Variants in CORO7 observed in about 807,000 individuals in gnomAD.
CORO7 encodes coronin 7.
Under a neutral mutation model 126.6 loss-of-function variants are expected in CORO7, and 107 were observed. The ratio of observed to expected loss-of-function variants is 0.85; its 90% CI spans 0.72 to 0.99. The LOEUF is 0.99. Among genes scored for constraint, CORO7 ranks in the 50% least tolerant of loss-of-function variants. The pLI, the probability that CORO7 is intolerant of heterozygous loss-of-function variation, is 0.00. For synonymous variants in CORO7, 603 were observed against 536.8 expected, an observed-to-expected ratio of 1.12 and a Z score of -1.70; for missense variants, 1,314 against 1,255.8, an observed-to-expected ratio of 1.05 and a Z score of -0.70.
Position 4,416,590 on chromosome 16 carries a change from C to G in CORO7, c.-72G>C. ...GGGTCTCAGGTGCACGCTGAGCAACCGCGACTCCCGCTGCCTCGGCCCCAC... is the reference window on the plus strand; with the variant it reads ...GGGTCTCAGGTGCACGCTGAGCAACGGCGACTCCCGCTGCCTCGGCCCCAC... On this transcript the variant is annotated 5_prime_UTR_variant, in exon 1 of 28. Coordinates refer to ENST00000251166, the MANE Select transcript of CORO7 (RefSeq NM_024535.5). The G allele has an allele frequency of 6.5e-7, 1 of 1,536,998 alleles. No individual in the cohort carries two copies. The highest frequency in any genetic ancestry group is 1.4e-5 in the African/African-American group (1 of 69,772).
chr16:4,407,681 T>C lies in CORO7; in HGVS notation c.307A>G (p.Lys103Glu). ...CCAGGCCCTGGCAGTCGCCAGAGTT[T>C]TACCTGCAAGAAAGACCAAGTCCGT... ...LATGSADRTV[K>E]LWRLPGPGQA... The change falls in exon 5 of 28, where the codon AAA becomes GAA. Residue 103 changes from lysine to glutamate, a missense_variant. Physicochemically the swap from Lys to Glu is moderately conservative, Grantham distance 56. Transcript: ENST00000251166. 3 of 1,586,280 alleles carry C rather than the reference T, an allele frequency of 1.9e-6. No individual in the cohort carries two copies. The South Asian group carries it at 3.4e-5, about 18-fold the overall frequency.
At chr16:4,369,408 C>T (rs1452793218) in intron 9 of CORO7, among the ~76,000 whole-genome samples, 2 of 152,232 alleles carry the variant, frequency 1.3e-5, no homozygotes, top group African/African-American at 4.8e-5. Flanking sequence ...ATTGCCGGCA[C>T]CTCTCCTGCT....
chr16:4,359,681 G>C (rs1217304048), intron 21 of CORO7, 60 bp from the exon 22 acceptor site: 1 of 1,533,208 alleles, frequency 6.5e-7, no homozygotes, highest in Non-Finnish European at 8.8e-7. Flanking sequence ...CTGGGGCAGG[G>C]AGAAGGCGCC....
chr16:4,386,568 G>A lies in CORO7; in HGVS notation c.785+1418C>T, dbSNP rs201284897. ...TCCTAGACGTGGAGTCTGAAGGCCC[G>A]GGAGCTCCGACTCCTCAAGGCGGGG... On this transcript the variant is annotated intron_variant, in intron 9 of 27. Transcript: ENST00000251166. Among the ~76,000 whole-genome samples the A allele has an allele frequency of 6.6e-5, 10 of 152,316 alleles. No individual in the cohort carries two copies. The East Asian group carries it at 1.5e-3, about 23-fold the overall frequency.
At chr16:4,356,030 C>A (rs1295766987) in intron 26 of CORO7, among the ~76,000 whole-genome samples, 1 of 151,658 alleles carries the variant, frequency 6.6e-6, no homozygotes, top group African/African-American at 2.4e-5. Flanking sequence ...CTCGGCTCAC[C>A]ACAACCTCTG....
Position 4,407,481 on chromosome 16 carries a change from C to A in CORO7, c.487+20G>T. The stretch of plus-strand genomic sequence containing the variant: ...CAGAGTGGGGCTGCCCTGGGAAGGG[C>A]AGGCCAGGGTGGCCTGTACCTGTCA... On this transcript the variant is annotated intron_variant, in intron 5 of 27. Coordinates refer to ENST00000251166, the MANE Select transcript of CORO7 (RefSeq NM_024535.5). 6.4e-7 allele frequency: 1 copy of A among 1,557,936 alleles called. No individual in the cohort carries two copies. Among genetic ancestry groups the A allele is most frequent in the Non-Finnish European group, 8.7e-7 (1 of 1,150,808 alleles).
rs2053922501 is a variant in CORO7 at position 4,354,861 on chromosome 16, G to C, written c.*297C>G. 1.2e-5 allele frequency: 5 copies of C among 409,632 alleles called. No homozygotes were observed. In the South Asian group the frequency reaches 5.1e-4, roughly 42 times the overall value. 25.4% of individuals were successfully genotyped at this position (409,632 alleles called of 1,614,324 possible). A position where few individuals can be genotyped will look rare whatever the true frequency, so the allele number is the denominator to read the frequency against. ...CCAGGTCAGCAGTGAGACCAGGGGA[G>C]ACAGGGTGCCCAGGGCCTGCCCAGG... On this transcript the variant is annotated 3_prime_UTR_variant, in exon 28 of 28. Coordinates refer to ENST00000251166, the MANE Select transcript of CORO7 (RefSeq NM_024535.5).
At chr16:4,372,640 C>T (rs1164751637) in intron 9 of CORO7, among the ~76,000 whole-genome samples, 1 of 152,216 alleles carries the variant, frequency 6.6e-6, no homozygotes, top group Non-Finnish European at 1.5e-5. Flanking sequence ...AACCCAGTGG[C>T]CTGGAGCCAG....
chr16:4,399,482 T>A (rs1410791477), intron 6 of CORO7, among the ~76,000 whole-genome samples: 2 of 152,146 alleles, frequency 1.3e-5, no homozygotes, highest in Non-Finnish European at 2.9e-5. Flanking sequence ...TGCCAATTCC[T>A]AGGGGCCGGG....
At chr16:4,365,296 GCTGA>G (rs1021491878) in intron 10 of CORO7, among the ~76,000 whole-genome samples, 191 bp downstream of exon 10, 9 of 152,180 alleles carry the variant, frequency 5.9e-5, no homozygotes, top group South Asian at 2.1e-4. Context: ...TTTATGGAGT[GCTGA>G]CTGTGTGCTG....
At chr16:4,357,578 AC>A in intron 25 of CORO7, 2 of 301,564 alleles carry the variant, frequency 6.6e-6, no homozygotes, top group Non-Finnish European at 1.2e-5. Flanking sequence ...CTGGTCTCAA[AC>A]CCCCGACCTC....
At chr16:4,374,865 T>C (rs2054663238) in intron 9 of CORO7, among the ~76,000 whole-genome samples, 1 of 152,092 alleles carries the variant, frequency 6.6e-6, no homozygotes, top group African/African-American at 2.4e-5. Flanking sequence ...CCTTCCTTGG[T>C]GACTAAGGTG....
chr16:4,402,431 G>A (rs1177989861), intron 6 of CORO7, among the ~76,000 whole-genome samples: 1 of 151,722 alleles, frequency 6.6e-6, no homozygotes, highest in Non-Finnish European at 1.5e-5. Flanking sequence ...TTTTTTTGTA[G>A]ACATGGGGTT....
intron 5 of CORO7, 63 bp downstream of exon 5, chr16:4,407,438 A>G (rs756486832): frequency 1.7e-5 from 26 of 1,521,786 alleles, no homozygotes; most frequent in Non-Finnish European, 2.3e-5. Context: ...CATGCCAACA[A>G]AGAAACGGAG....
chr16:4,415,058 G>A (rs2056355601), intron 1 of CORO7, among the ~76,000 whole-genome samples: 1 of 151,926 alleles, frequency 6.6e-6, no homozygotes, highest in Non-Finnish European at 1.5e-5. Flanking sequence ...TTGTTCAGAG[G>A]GGTTTCGCAA....
chr16:4,374,561 G>A (rs971055901), intron 9 of CORO7, among the ~76,000 whole-genome samples: 1 of 152,178 alleles, frequency 6.6e-6, no homozygotes, highest in African/African-American at 2.4e-5. Flanking sequence ...GGAAGGGGCT[G>A]GGGCGGCCGC....
rs930705892 is a variant in CORO7 at position 4,361,615 on chromosome 16, C to T, written c.1579-146G>A. ...GGGTGACCCAAGCTCTCTGCCCTGA[C>T]CACCTTGCGCTCTGAGCCCCAAGTG... On this transcript the variant is annotated intron_variant, in intron 16 of 27. Transcript: ENST00000251166. 15 of 993,942 alleles carry T rather than the reference C, an allele frequency of 1.5e-5. No individual in the cohort carries two copies. In the Admixed American group the frequency reaches 1.9e-4, roughly 12 times the overall value. The allele number at this position is 993,942 out of a possible 1,614,324, so 61.6% of individuals were successfully genotyped here.
At chr16:4,386,909 C>T (rs2141261774) in intron 9 of CORO7, among the ~76,000 whole-genome samples, 1 of 152,320 alleles carries the variant, frequency 6.6e-6, no homozygotes, top group South Asian at 2.1e-4. Context: ...CCCGGAAGAT[C>T]CCGCAGCCTT....
chr16:4,377,371 G>A lies in CORO7; in HGVS notation c.785+10615C>T, dbSNP rs543910620. ...CCGGGTGGGAGGGTGGGTGGGCGGCGGCAACCACCGTGTGACCTGTAGACA... is the reference window on the plus strand; with the variant it reads ...CCGGGTGGGAGGGTGGGTGGGCGGCAGCAACCACCGTGTGACCTGTAGACA... On this transcript the variant is annotated intron_variant, in intron 9 of 27. Transcript: ENST00000251166. Among the ~76,000 whole-genome samples the A allele has an allele frequency of 1.9e-3, 283 of 152,134 alleles. 2 individuals are homozygous for A. Among genetic ancestry groups the A allele is most frequent in the Middle Eastern group, 6.8e-3 (2 of 294 alleles).
Sources: gnomAD v4.1 joint callset for allele counts (sites outside exome capture counted in the v4.1 genomes callset) on GRCh38, gnomAD v4.1.1 for gene constraint, MANE v1.5 for transcripts, NCBI Gene and HGNC (gene_info 2026-07-23, HGNC 2026-07-21) for gene names.